DCT: variants seen among roughly 807,000 people sequenced by gnomAD.
DCT encodes the protein dopachrome tautomerase.
In DCT, 47 loss-of-function variants were observed where a neutral mutation model predicts 53.0. The ratio of observed to expected loss-of-function variants is 0.89; its 90% CI spans 0.70 to 1.13. The LOEUF (loss-of-function observed/expected upper bound fraction) is 1.13. Among genes scored for constraint, DCT ranks in the 50% most tolerant of loss-of-function variants. The probability of loss-of-function intolerance (pLI) is 0.00; values close to 1 mark genes in which losing one functional copy is unlikely to be tolerated. For missense variants in DCT, 669 were observed against 637.4 expected, an observed-to-expected ratio of 1.05 and a Z score of -0.53; for synonymous variants, 244 against 237.0, an observed-to-expected ratio of 1.03 and a Z score of -0.27.
chr13:94,538,847 C>T, the DCT span, among the ~76,000 whole-genome samples: 11 of 152,290 alleles, frequency 7.2e-5, no homozygotes, highest in South Asian at 1.0e-3. Flanking sequence ...GCTGCTTCTC[C>T]TCCCTCACTC....
At chr13:94,476,180 CTTTTTTT>C (rs529819051) in intron 1 of DCT, among the ~76,000 whole-genome samples, 4 of 72,732 alleles carry the variant, frequency 5.5e-5, no homozygotes, top group East Asian at 4.2e-4. Flanking sequence ...GGGGGAGCCT[CTTTTTTT>C]TTTTTTTTTT....
the DCT span, among the ~76,000 whole-genome samples, chr13:94,510,431 G>A: frequency 3.3e-5 from 5 of 152,174 alleles, no homozygotes; most frequent in African/African-American, 1.2e-4. Context: ...TCCAAACTGA[G>A]GTGTGCTGTC....
chr13:94,493,089 A>G, the DCT span, among the ~76,000 whole-genome samples: 1 of 152,190 alleles, frequency 6.6e-6, no homozygotes, highest in Non-Finnish European at 1.5e-5. Context: ...TGCTCAAGAC[A>G]AGAGAGACTC....
At chr13:94,490,827 A>C in the DCT span, among the ~76,000 whole-genome samples, 21 of 152,332 alleles carry the variant, frequency 1.4e-4, no homozygotes, top group South Asian at 4.1e-3. Flanking sequence ...AAAACAAGAT[A>C]ATTTCATAGA....
rs1341207294 is a variant in DCT at position 94,460,180 on chromosome 13, G to C, written c.1090C>G (p.Gln364Glu). The change falls in exon 6 of 8, where the codon CAA (glutamine) becomes GAA (glutamate). Residue 364 changes from glutamine to glutamate, a missense_variant. Physicochemically the swap from Gln to Glu is conservative, Grantham distance 29. Coordinates refer to ENST00000377028, the MANE Select transcript of DCT (RefSeq NM_001922.5). Reference sequence around the variant, plus strand: ...ACCAAATTATGAAGGCTCATCACTTGAGAATCCAGAGTCCCATCTGCTTTA... The same window carrying C: ...ACCAAATTATGAAGGCTCATCACTTCAGAATCCAGAGTCCCATCTGCTTTA... Reference protein sequence around the residue: ...FDKADGTLDSQVMSLHNLVHS... With the variant: ...FDKADGTLDSEVMSLHNLVHS... The C allele has an allele frequency of 1.9e-6, 3 of 1,613,738 alleles. No homozygotes were observed. Among genetic ancestry groups the C allele is most frequent in the Non-Finnish European group, 2.5e-6 (3 of 1,179,736 alleles).
chr13:94,452,095 C>T (rs922033420), intron 6 of DCT, among the ~76,000 whole-genome samples: 1 of 151,972 alleles, frequency 6.6e-6, no homozygotes, highest in Admixed American at 6.6e-5. Flanking sequence ...TGCGATGGCA[C>T]GATCTTGGCT....
the DCT span, among the ~76,000 whole-genome samples, chr13:94,514,545 C>G: frequency 6.6e-6 from 1 of 152,116 alleles, no homozygotes. Context: ...GACGTGTGGC[C>G]CAGACTCCAG....
the DCT span, among the ~76,000 whole-genome samples, chr13:94,498,848 T>C: frequency 3.4e-4 from 52 of 152,286 alleles, no homozygotes; most frequent in Non-Finnish European, 6.2e-4. Context: ...CATTGCTCTA[T>C]GTCTAGCTAA....
At chr13:94,507,503 C>CTTTT in the DCT span, among the ~76,000 whole-genome samples, 1,805 of 140,246 alleles carry the variant, frequency 0.013, 46 homozygotes, top group African/African-American at 0.038. Context: ...GGTATATTGA[C>CTTTT]TTTTTTTTTT....
chr13:94,439,902 G>C lies in DCT; in HGVS notation c.1556C>G (p.Ala519Gly), dbSNP rs779684534. The C allele has an allele frequency of 1.2e-6, 2 of 1,612,882 alleles. No homozygotes were observed. Among genetic ancestry groups the C allele is most frequent in the African/African-American group, 1.3e-5 (1 of 74,828 alleles). The change falls in exon 8 of 8, where the codon GCC (alanine) becomes GGC (glycine). Residue 519 changes from alanine (A) to glycine (G), a missense_variant. Physicochemically the swap from Ala to Gly is moderately conservative, Grantham distance 60. Coordinates refer to ENST00000377028, the MANE Select transcript of DCT (RefSeq NM_001922.5). ...CTTAGGTAAGGCATGAGCACCCTAG[G>C]CTTCTTCTGTGTATCTCTTGCTGCT... ...HLSSKRYTEE[A>G]
chr13:94,481,495 C>G (rs368681079), upstream of DCT, among the ~76,000 whole-genome samples: 1 of 152,136 alleles, frequency 6.6e-6, no homozygotes, highest in Non-Finnish European at 1.5e-5. Context: ...TTTTGTGAAG[C>G]CTTGGGGCTC....
At chr13:94,473,506 G>A (rs1884883800) in intron 1 of DCT, among the ~76,000 whole-genome samples, 1 of 152,154 alleles carries the variant, frequency 6.6e-6, no homozygotes, top group African/African-American at 2.4e-5. Context: ...TATAAATGAG[G>A]CAATAATACC....
chr13:94,452,797 G>T (rs1418251313), intron 6 of DCT: 3 of 485,334 alleles, frequency 6.2e-6, no homozygotes, highest in Non-Finnish European at 1.1e-5. Context: ...GAACTGAAAT[G>T]ATTTGGAATA....
At chr13:94,518,147 AAG>A in the DCT span, among the ~76,000 whole-genome samples, 2 of 145,552 alleles carry the variant, frequency 1.4e-5, no homozygotes, top group Middle Eastern at 3.4e-3. Context: ...GGAAGGAAGG[AAG>A]GAAGGAATGA....
chr13:94,486,481 C>T, the DCT span, among the ~76,000 whole-genome samples: 2 of 152,208 alleles, frequency 1.3e-5, no homozygotes, highest in African/African-American at 2.4e-5. Flanking sequence ...CTTGCATTAA[C>T]TAAATTACCC....
intron 6 of DCT, among the ~76,000 whole-genome samples, chr13:94,444,095 C>T (rs2139278980): frequency 6.6e-6 from 1 of 152,296 alleles, no homozygotes; most frequent in Non-Finnish European, 1.5e-5. Flanking sequence ...GTTGTGTTTA[C>T]AGGTTGAGTA....
chr13:94,524,257 G>C, the DCT span, among the ~76,000 whole-genome samples: 1 of 152,204 alleles, frequency 6.6e-6, no homozygotes, highest in Non-Finnish European at 1.5e-5. Context: ...GAAACTCAAT[G>C]GGCTGTGGCA....
At chr13:94,487,810 C>T in the DCT span, among the ~76,000 whole-genome samples, 1 of 151,792 alleles carries the variant, frequency 6.6e-6, no homozygotes, top group Admixed American at 6.6e-5. Context: ...TTCCCTGTGA[C>T]CAAGTTGTTT....
the DCT span, among the ~76,000 whole-genome samples, chr13:94,547,123 C>CT: frequency 0.5 from 73,830 of 148,188 alleles, 20,612 homozygotes; most frequent in African/African-American, 0.76. Context: ...TGCTTCTAAA[C>CT]TTTTTTTTTT....
Sources: allele counts gnomAD v4.1 joint callset (sites outside exome capture counted in the v4.1 genomes callset), GRCh38; gene constraint gnomAD v4.1.1; transcripts MANE v1.5; gene names NCBI Gene and HGNC (gene_info 2026-07-23, HGNC 2026-07-21).